Variants in SLC17A8 observed in about 807,000 individuals in gnomAD.
SLC17A8 encodes vesicular glutamate transporter 3.
A neutral mutation model predicts 58.0 loss-of-function variants in SLC17A8; 31 were observed. That is an observed-to-expected ratio of 0.53 (90% CI 0.40 to 0.72). SLC17A8 has a LOEUF of 0.72. Ranked by LOEUF, SLC17A8 falls within the 30% of genes least tolerant of loss-of-function variation. SLC17A8 has a pLI of 0.00. For missense variants in SLC17A8, 655 were observed against 727.8 expected, an observed-to-expected ratio of 0.90 and a Z score of 1.15; for synonymous variants, 228 against 249.0, an observed-to-expected ratio of 0.92 and a Z score of 0.79.
rs1040612020 is a variant in SLC17A8 at position 100,390,341 on chromosome 12, T to C, written c.355-660T>C. Among the ~76,000 whole-genome samples, 6 of 136,074 alleles carry C rather than the reference T, an allele frequency of 4.4e-5. No individual in the cohort carries two copies. In the Admixed American group the frequency reaches 4.6e-4, roughly 10 times the overall value. 89.3% of individuals were successfully genotyped at this position (136,074 alleles called of 152,430 possible). A position where few individuals can be genotyped will look rare whatever the true frequency, so the allele number is the denominator to read the frequency against. Reference sequence around the variant, plus strand: ...AAATCTATGAGAGCAGGGACTTTTGTTTGTTTGTTTCATTTTTTTTTTTGA... The same window carrying C: ...AAATCTATGAGAGCAGGGACTTTTGCTTGTTTGTTTCATTTTTTTTTTTGA... On this transcript the variant is annotated intron_variant, in intron 2 of 11. Transcript: ENST00000323346.
Position 100,380,738 on chromosome 12 carries a change from G to T in SLC17A8, c.139G>T (p.Glu47Ter), listed in dbSNP as rs746961176. ...GACAACTGAGGAAGAAGATAACATTGAGCTGAATGAAGAAGGAAGGCCGGT... is the reference window on the plus strand; with the variant it reads ...GACAACTGAGGAAGAAGATAACATTTAGCTGAATGAAGAAGGAAGGCCGGT... ...DGTTEEEDNI[E>*]LNEEGRPVQT... The change falls in exon 2 of 12, where the codon GAG (glutamate) becomes TAG (stop). Residue 47 changes from glutamate to a stop codon, truncating the protein, a stop_gained. Coordinates refer to ENST00000323346, the MANE Select transcript of SLC17A8 (RefSeq NM_139319.3). LOFTEE classifies it high-confidence loss of function. The T allele has an allele frequency of 5.0e-6, 8 of 1,613,788 alleles. No individual in the cohort carries two copies. Among genetic ancestry groups the T allele is most frequent in the Non-Finnish European group, 6.8e-6 (8 of 1,180,008 alleles).
intron 1 of SLC17A8, among the ~76,000 whole-genome samples, chr12:100,359,914 A>G (rs982149942): frequency 6.6e-6 from 1 of 152,242 alleles, no homozygotes; most frequent in African/African-American, 2.4e-5. Flanking sequence ...TTTGGAAGCT[A>G]GAAGCCCCTA....
At chr12:100,416,154 A>T (rs1199729922) in intron 10 of SLC17A8, among the ~76,000 whole-genome samples, 1 of 152,176 alleles carries the variant, frequency 6.6e-6, no homozygotes, top group East Asian at 1.9e-4. Flanking sequence ...ATCTATCAAT[A>T]TCTCAATTTC....
chr12:100,403,548 C>G (rs936500564), intron 8 of SLC17A8, among the ~76,000 whole-genome samples: 2 of 151,912 alleles, frequency 1.3e-5, no homozygotes, highest in Admixed American at 6.6e-5. Flanking sequence ...TATCATCAAG[C>G]CAATTGTGTT....
Sources: allele counts gnomAD v4.1 joint callset (sites outside exome capture counted in the v4.1 genomes callset), GRCh38; gene constraint gnomAD v4.1.1; transcripts MANE v1.5; gene names NCBI Gene and HGNC (gene_info 2026-07-23, HGNC 2026-07-21).